Variants in SASH1 observed in about 807,000 individuals in gnomAD.
The protein encoded by SASH1 is SAM and SH3 domain containing 1.
A neutral mutation model predicts 125.2 loss-of-function variants in SASH1; 44 were observed. That is an observed-to-expected ratio of 0.35 (90% CI 0.28 to 0.45). The LOEUF (loss-of-function observed/expected upper bound fraction) is 0.45. Ranked by LOEUF, SASH1 falls within the 20% of genes least tolerant of loss-of-function variation. The pLI is 1.00. For synonymous variants in SASH1, 639 were observed against 649.1 expected (o/e 0.98, Z 0.24); for missense variants, 1,426 against 1,614.5 (o/e 0.88, Z 2.00).
intron 2 of SASH1, among the ~76,000 whole-genome samples, chr6:148,427,837 AG>A (rs1172738745): frequency 2.6e-5 from 4 of 152,152 alleles, no homozygotes; most frequent in Non-Finnish European, 5.9e-5. Context: ...TGGGTACGGG[AG>A]TGTGGACCTC....
At chr6:148,509,868 C>G (rs975936366) in intron 8 of SASH1, among the ~76,000 whole-genome samples, 1 of 152,368 alleles carries the variant, frequency 6.6e-6, no homozygotes, top group South Asian at 2.1e-4. Context: ...CACGCTGGCT[C>G]CATGTCTTTC....
intron 19 of SASH1, among the ~76,000 whole-genome samples, chr6:148,546,941 T>A (rs1782608656): frequency 6.6e-6 from 1 of 152,142 alleles, no homozygotes; most frequent in South Asian, 2.1e-4. Context: ...CATGAGGGAT[T>A]ATGGTCCAAG....
At chr6:148,253,964 G>A in the SASH1 span, among the ~76,000 whole-genome samples, 1 of 151,962 alleles carries the variant, frequency 6.6e-6, no homozygotes, top group African/African-American at 2.4e-5. Context: ...CTAGCACTTC[G>A]GCAGGTCAAG....
At chr6:148,214,241 G>T in the SASH1 span, among the ~76,000 whole-genome samples, 1 of 152,118 alleles carries the variant, frequency 6.6e-6, no homozygotes, top group South Asian at 2.1e-4. Flanking sequence ...CTGATGGTGC[G>T]TGCATGTTGA....
chr6:148,298,356 GCAGTAGCTCA>G (rs1779819179), intron 1 of SASH1, among the ~76,000 whole-genome samples: 2 of 151,986 alleles, frequency 1.3e-5, no homozygotes, highest in Non-Finnish European at 2.9e-5. Context: ...TTAATTAGGT[GCAGTAGCTCA>G]CACCTGTAAT....
chr6:148,416,278 G>T (rs1309599529), intron 2 of SASH1, among the ~76,000 whole-genome samples: 1 of 152,010 alleles, frequency 6.6e-6, no homozygotes, highest in Non-Finnish European at 1.5e-5. Context: ...CCTGAAACTT[G>T]GCATGGATTG....
intron 4 of SASH1, among the ~76,000 whole-genome samples, chr6:148,456,230 T>G (rs370768886): frequency 2.9e-4 from 44 of 152,244 alleles, no homozygotes; most frequent in African/African-American, 8.9e-4. Context: ...AGCCCCCTGC[T>G]GCCTCACTTT....
At chr6:148,491,549 C>T (rs959642805) in intron 8 of SASH1, among the ~76,000 whole-genome samples, 1 of 152,176 alleles carries the variant, frequency 6.6e-6, no homozygotes, top group African/African-American at 2.4e-5. Context: ...GGATTACAGG[C>T]GTGAGCCACC....
chr6:148,511,134 G>A (rs776767924), intron 8 of SASH1, among the ~76,000 whole-genome samples: 13 of 152,104 alleles, frequency 8.5e-5, no homozygotes, highest in Admixed American at 2.6e-4. Context: ...CTTTTACAGC[G>A]TTTTTGTGTT....
intron 7 of SASH1, among the ~76,000 whole-genome samples, chr6:148,477,466 C>T (rs1778414344): frequency 6.6e-6 from 1 of 152,092 alleles, no homozygotes; most frequent in African/African-American, 2.4e-5. Context: ...AAAAGGTGCT[C>T]AACATTATTG....
the SASH1 span, among the ~76,000 whole-genome samples, chr6:148,255,889 G>T: frequency 6.6e-6 from 1 of 152,048 alleles, no homozygotes; most frequent in Non-Finnish European, 1.5e-5. Flanking sequence ...CAATCTACCC[G>T]CCTCGGCCTC....
the SASH1 span, among the ~76,000 whole-genome samples, chr6:148,245,301 G>A: frequency 6.6e-6 from 1 of 152,178 alleles, no homozygotes. Flanking sequence ...CAATTAAGTT[G>A]TAGATGCTAA....
chr6:148,294,398 A>G (rs998565437), intron 1 of SASH1, among the ~76,000 whole-genome samples: 11 of 152,304 alleles, frequency 7.2e-5, no homozygotes, highest in Non-Finnish European at 1.6e-4. Context: ...GAGACTCTGG[A>G]CAAATGACTG....
intron 1 of SASH1, among the ~76,000 whole-genome samples, chr6:148,377,889 TTAC>T (rs1272519927): frequency 1.3e-5 from 2 of 152,166 alleles, no homozygotes; most frequent in African/African-American, 4.8e-5. Context: ...TTTAATCCTA[TTAC>T]AGCCTGTGGG....
In SASH1 at chr6:148,440,253, A is replaced by T; in HGVS notation, c.336+19A>T. On this transcript the variant is annotated intron_variant, in intron 3 of 19. Transcript: ENST00000367467. ...GATCGAAGTAAGCACAATGACTTTA[A>T]TCATCTAGTTTTGCTTCTGCCTTTT... 1 of 1,613,238 alleles carries T rather than the reference A, an allele frequency of 6.2e-7. No individual in the cohort carries two copies. Among genetic ancestry groups the T allele is most frequent in the Non-Finnish European group, 8.5e-7 (1 of 1,179,748 alleles).
intron 9 of SASH1, among the ~76,000 whole-genome samples, chr6:148,517,292 T>G (rs1780495771): frequency 6.6e-6 from 1 of 152,166 alleles, no homozygotes; most frequent in Non-Finnish European, 1.5e-5. Flanking sequence ...CCGGGCTGGA[T>G]GCAGAGCATA....
intron 6 of SASH1, among the ~76,000 whole-genome samples, chr6:148,473,884 T>C (rs1778223969): frequency 6.6e-6 from 1 of 152,212 alleles, no homozygotes; most frequent in African/African-American, 2.4e-5. Context: ...TTTGTTTCTA[T>C]GGTGACACCC....
At position 148,443,516 on chromosome 6, in the gene SASH1, A is replaced by G. The variant is rs1004376762; in HGVS notation, c.386+3109A>G. 2.6e-4 allele frequency among the ~76,000 whole-genome samples: 39 copies of G among 148,440 alleles called. 2 individuals carry two copies. The highest frequency in any genetic ancestry group is 8.4e-4 in the African/African-American group (34 of 40,704). Reference sequence around the variant, plus strand: ...TTTATATATATGTATGTATGTATATACATATATTGTGAGGTGATCCTCTGA... The same window carrying G: ...TTTATATATATGTATGTATGTATATGCATATATTGTGAGGTGATCCTCTGA... On this transcript the variant is annotated intron_variant, in intron 4 of 19. Coordinates refer to ENST00000367467, the MANE Select transcript of SASH1 (RefSeq NM_015278.5).
At chr6:148,446,178 G>C (rs1027013821) in intron 4 of SASH1, among the ~76,000 whole-genome samples, 2 of 133,962 alleles carry the variant, frequency 1.5e-5, no homozygotes, top group East Asian at 2.3e-4. Flanking sequence ...GCGCGATCTT[G>C]GCTCACTGCA....
Sources: gnomAD v4.1 joint callset for allele counts (sites outside exome capture counted in the v4.1 genomes callset) on GRCh38, gnomAD v4.1.1 for gene constraint, MANE v1.5 for transcripts, NCBI Gene and HGNC (gene_info 2026-07-23, HGNC 2026-07-21) for gene names.